The following EPHB1 variants were observed in gnomAD, a reference collection of about 807,000 sequenced individuals.
The protein encoded by EPHB1 is ephrin type-B receptor 1.
EPHB1 carries 30 observed loss-of-function variants against 94.4 expected under a neutral mutation model. The ratio of observed to expected loss-of-function variants is 0.32; its 90% confidence interval spans 0.24 to 0.43. The LOEUF (loss-of-function observed/expected upper bound fraction) is 0.43. EPHB1 is among the 20% of genes least tolerant of loss of function. EPHB1 has a pLI of 1.00. For synonymous variants in EPHB1, 522 were observed against 489.1 expected, an observed-to-expected ratio of 1.07 and a Z score of -0.89; for missense variants, 1,055 against 1,308.3, an observed-to-expected ratio of 0.81 and a Z score of 2.99.
intron 3 of EPHB1, among the ~76,000 whole-genome samples, chr3:135,073,697 C>A (rs1937806403): frequency 6.6e-6 from 1 of 152,026 alleles, no homozygotes; most frequent in Admixed American, 6.6e-5. Flanking sequence ...TTGAATCAGG[C>A]TAAGAAGTTC....
At chr3:135,053,270 C>T (rs1270480410) in intron 3 of EPHB1, among the ~76,000 whole-genome samples, 1 of 151,640 alleles carries the variant, frequency 6.6e-6, no homozygotes, top group Non-Finnish European at 1.5e-5. Context: ...TCATCACACA[C>T]TCTATGCATC....
intron 9 of EPHB1, among the ~76,000 whole-genome samples, chr3:135,178,727 C>T (rs1345624673): frequency 6.6e-6 from 1 of 152,068 alleles, no homozygotes; most frequent in Non-Finnish European, 1.5e-5. Context: ...AACCTGAGGC[C>T]TAACCTCAGC....
chr3:135,142,557 G>T, intron 5 of EPHB1, among the ~76,000 whole-genome samples: 1 of 152,222 alleles, frequency 6.6e-6, no homozygotes, highest in East Asian at 1.9e-4. Flanking sequence ...AGATGCATTG[G>T]GTGGAAGTAA....
intron 1 of EPHB1, among the ~76,000 whole-genome samples, chr3:134,829,164 A>G (rs999941944): frequency 1.3e-5 from 2 of 152,270 alleles, no homozygotes; most frequent in Non-Finnish European, 2.9e-5. Context: ...ATTCTGTGAG[A>G]CACACAATTA....
intron 3 of EPHB1, among the ~76,000 whole-genome samples, chr3:135,059,793 T>C (rs967319083): frequency 2.6e-5 from 4 of 152,176 alleles, no homozygotes; most frequent in Admixed American, 1.3e-4. Flanking sequence ...GTTGGAGATA[T>C]GGGTTCTGAC....
chr3:134,866,023 TG>T (rs1288594730), intron 1 of EPHB1, among the ~76,000 whole-genome samples: 1 of 152,138 alleles, frequency 6.6e-6, no homozygotes, highest in Non-Finnish European at 1.5e-5. Context: ...GGGAAAGGAA[TG>T]GGGGTCACCC....
In EPHB1 at chr3:135,079,954, G is replaced by A. The variant is rs1345894015; in HGVS notation, c.806-26494G>A. Among the ~76,000 whole-genome samples the A allele has an allele frequency of 2.6e-5, 4 of 152,088 alleles. No individual in the cohort carries two copies. The South Asian group carries it at 6.2e-4, about 24-fold the overall frequency. Reference sequence around the variant, plus strand: ...TGTCCAGCGGGGTACCTGGAACTTAGGAGTGCCCCTGGCTGGACGAAGAGG... The same window carrying A: ...TGTCCAGCGGGGTACCTGGAACTTAAGAGTGCCCCTGGCTGGACGAAGAGG... On this transcript the variant is annotated intron_variant, in intron 3 of 15. Transcript: ENST00000398015.
At chr3:134,874,188 A>G (rs1224833218) in intron 1 of EPHB1, among the ~76,000 whole-genome samples, 1 of 152,246 alleles carries the variant, frequency 6.6e-6, no homozygotes, top group Non-Finnish European at 1.5e-5. Flanking sequence ...ATGCAGCCAT[A>G]AAAAGGAATG....
At position 134,795,296 on chromosome 3, in the gene EPHB1, T is replaced by C; in HGVS notation, c.-336T>C. Reference sequence around the variant, plus strand: ...CTCCGTCCTCCCGTAGGCTCCGCTGTAGCTAGCAATGTGACACCAGGACGC... The same window carrying C: ...CTCCGTCCTCCCGTAGGCTCCGCTGCAGCTAGCAATGTGACACCAGGACGC... On this transcript the variant is annotated 5_prime_UTR_variant, in exon 1 of 16. Transcript: ENST00000398015. The C allele has an allele frequency of 2.4e-6, 1 of 423,868 alleles. No individual in the cohort carries two copies. Among genetic ancestry groups the C allele is most frequent in the Non-Finnish European group, 4.2e-6 (1 of 237,814 alleles). 26.3% of individuals were successfully genotyped at this position (423,868 alleles called of 1,614,324 possible).
intron 3 of EPHB1, among the ~76,000 whole-genome samples, chr3:135,044,080 T>A (rs541270936): frequency 9.2e-5 from 14 of 152,328 alleles, no homozygotes; most frequent in African/African-American, 3.4e-4. Flanking sequence ...TAATTAAAAC[T>A]AAATTTGGCT....
chr3:135,056,499 G>C (rs953023303), intron 3 of EPHB1, among the ~76,000 whole-genome samples: 1 of 152,252 alleles, frequency 6.6e-6, no homozygotes, highest in African/African-American at 2.4e-5. Context: ...TACCCTTGAA[G>C]CAACAGATTC....
chr3:134,944,802 G>A (rs1463121175), intron 2 of EPHB1, among the ~76,000 whole-genome samples: 1 of 152,040 alleles, frequency 6.6e-6, no homozygotes, highest in Admixed American at 6.5e-5. Flanking sequence ...GGAATTGCTG[G>A]GTCAAAGGGT....
rs1341572318 is a variant in EPHB1 at position 135,108,003 on chromosome 3, A to G, written c.961+1400A>G. ...TGTTTAATGTACTTCTTTAGAAATC[A>G]CTTAAGGATGCTGAATCACTGCTCC... On this transcript the variant is annotated intron_variant, in intron 4 of 15. Coordinates refer to ENST00000398015, the MANE Select transcript of EPHB1 (RefSeq NM_004441.5). Among the ~76,000 whole-genome samples, 3 of 152,166 alleles carry G rather than the reference A, an allele frequency of 2.0e-5. No homozygotes were observed. The South Asian group carries it at 6.2e-4, about 31-fold the overall frequency.
At position 134,951,879 on chromosome 3, in the gene EPHB1, CA is replaced by C; in HGVS notation, c.633del (p.Ala213GlnfsTer7). The C allele has an allele frequency of 1.9e-6, 3 of 1,614,030 alleles. No homozygotes were observed. Among genetic ancestry groups the C allele is most frequent in the Non-Finnish European group, 2.5e-6 (3 of 1,179,910 alleles). ...QNFAVFPETMTGAESTSLVIA... is the reference protein window; with the variant it reads ...QNFAVFPETMXGAESTSLVIA... Reference sequence around the variant, plus strand: ...TTTGCAGTGTTTCCAGAGACTATGACAGGGGCAGAGAGCACATCTCTGGTGA... The same window carrying C: ...TTTGCAGTGTTTCCAGAGACTATGACGGGGCAGAGAGCACATCTCTGGTGA... On this transcript the variant is annotated frameshift_variant, in exon 3 of 16. Transcript: ENST00000398015. LOFTEE classifies it high-confidence loss of function. The surrounding 1 kb of genome is among the most constrained non-coding windows in gnomAD (Gnocchi z 4.5).
intron 11 of EPHB1, among the ~76,000 whole-genome samples, chr3:135,197,305 C>T (rs1345078512): frequency 6.6e-6 from 1 of 152,044 alleles, no homozygotes; most frequent in East Asian, 1.9e-4. Context: ...TAATGTCAAA[C>T]GGGGACATTT....
intron 1 of EPHB1, among the ~76,000 whole-genome samples, chr3:134,821,327 C>T (rs998200790): frequency 4.6e-5 from 7 of 151,996 alleles, no homozygotes; most frequent in African/African-American, 9.7e-5. Context: ...GTTACTTGAG[C>T]GACCATGTTC....
In EPHB1 at chr3:134,927,740, C is replaced by T. The variant is rs149179292; in HGVS notation, c.123+1860C>T. ...AAAGTCAAGGCATGCCCTTTAGAGA[C>T]AGCAGCTGCCTGGGCTCTGCCTGTT... On this transcript the variant is annotated intron_variant, in intron 2 of 15. Coordinates refer to ENST00000398015, the MANE Select transcript of EPHB1 (RefSeq NM_004441.5). Among the ~76,000 whole-genome samples the T allele has an allele frequency of 5.3e-5, 8 of 152,362 alleles. No homozygotes were observed. The East Asian group carries it at 9.6e-4, about 18-fold the overall frequency.
intron 12 of EPHB1, among the ~76,000 whole-genome samples, chr3:135,226,837 G>A (rs7613287): frequency 0.64 from 96,192 of 149,876 alleles, 32,122 homozygotes; most frequent in Non-Finnish European, 0.75. Flanking sequence ...AGTCATTAAG[G>A]AAAAAAAAAA....
intron 1 of EPHB1, among the ~76,000 whole-genome samples, chr3:134,834,675 G>A (rs2036639591): frequency 6.6e-6 from 1 of 152,148 alleles, no homozygotes; most frequent in South Asian, 2.1e-4. Flanking sequence ...CCCCTCGTTG[G>A]TGGTTGGCTT....
Sources: allele counts gnomAD v4.1 joint callset (sites outside exome capture counted in the v4.1 genomes callset), GRCh38; gene constraint gnomAD v4.1.1; non-coding constraint Gnocchi (gnomAD v3.1); transcripts MANE v1.5; gene names NCBI Gene and HGNC (gene_info 2026-07-23, HGNC 2026-07-21).